Variants in DYM observed in about 807,000 individuals in gnomAD.
The protein encoded by DYM is dyggve-Melchior-Clausen syndrome protein.
A neutral mutation model predicts 93.1 loss-of-function variants in DYM; 78 were observed. That is an observed-to-expected ratio of 0.84 (90% CI 0.70 to 1.01). DYM has a LOEUF of 1.01. Among genes scored for constraint, DYM ranks in the 50% least tolerant of loss-of-function variants. The pLI, the probability that DYM is intolerant of heterozygous loss-of-function variation, is 0.00. For missense variants in DYM, 789 were observed against 845.0 expected, an observed-to-expected ratio of 0.93 and a Z score of 0.82; for synonymous variants, 321 against 319.7, an observed-to-expected ratio of 1.00 and a Z score of -0.04.
intron 1 of DYM, among the ~76,000 whole-genome samples, chr18:49,432,425 C>A (rs2080419626): frequency 1.4e-5 from 2 of 147,126 alleles, no homozygotes; most frequent in Non-Finnish European, 1.5e-5. Context: ...TATATGGGGA[C>A]ATAATACACT....
intron 11 of DYM, among the ~76,000 whole-genome samples, chr18:49,270,620 A>T (rs548105380): frequency 1.3e-5 from 2 of 152,328 alleles, no homozygotes; most frequent in Admixed American, 6.5e-5. Flanking sequence ...TGGATATGCT[A>T]ATTTACCTGA....
chr18:49,438,150 G>A (rs887367994), intron 1 of DYM, among the ~76,000 whole-genome samples: 1 of 152,212 alleles, frequency 6.6e-6, no homozygotes, highest in Non-Finnish European at 1.5e-5. Flanking sequence ...CTGTGCAACA[G>A]AGCAAGACTT....
At chr18:49,411,073 C>A (rs1189690824) in intron 2 of DYM, among the ~76,000 whole-genome samples, 1 of 152,100 alleles carries the variant, frequency 6.6e-6, no homozygotes, top group Admixed American at 6.6e-5. Flanking sequence ...ATGGGAGTAT[C>A]CTCACTTTAC....
intron 2 of DYM, among the ~76,000 whole-genome samples, chr18:49,421,857 T>G (rs2073751325): frequency 6.6e-6 from 1 of 152,108 alleles, no homozygotes; most frequent in African/African-American, 2.4e-5. Context: ...ACGGGACACA[T>G]GCACAAGCTT....
intron 5 of DYM, among the ~76,000 whole-genome samples, chr18:49,371,488 T>G (rs1347907406): frequency 6.6e-6 from 1 of 152,012 alleles, no homozygotes; most frequent in Non-Finnish European, 1.5e-5. Context: ...ATAATAATAA[T>G]ACAATCAATG....
chr18:49,276,813 C>T (rs2094856454), intron 10 of DYM, among the ~76,000 whole-genome samples: 1 of 152,018 alleles, frequency 6.6e-6, no homozygotes, highest in African/African-American at 2.4e-5. Flanking sequence ...AATATACTCA[C>T]TCTGGAAACA....
intron 3 of DYM, among the ~76,000 whole-genome samples, chr18:49,381,926 AG>A (rs1286048485): frequency 3.9e-5 from 6 of 152,078 alleles, no homozygotes; most frequent in Non-Finnish European, 8.8e-5. Context: ...AAAAAAAAAA[AG>A]AATAGTTAAG....
chr18:49,223,609 G>A (rs776823373), intron 13 of DYM, among the ~76,000 whole-genome samples: 2 of 151,940 alleles, frequency 1.3e-5, no homozygotes, highest in Non-Finnish European at 1.5e-5. Context: ...TTCTTGAGTG[G>A]ACAAACTAAA....
At chr18:49,175,413 C>T (rs187808128) in intron 14 of DYM, among the ~76,000 whole-genome samples, 25 of 152,222 alleles carry the variant, frequency 1.6e-4, no homozygotes, top group Admixed American at 7.2e-4. Context: ...AGACTAATTA[C>T]GTAACAATCT....
chr18:49,312,523 A>T (rs1260642369), intron 8 of DYM, among the ~76,000 whole-genome samples: 2 of 152,178 alleles, frequency 1.3e-5, no homozygotes, highest in Non-Finnish European at 2.9e-5. Flanking sequence ...CCACACAGGG[A>T]GAACTTTCCC....
chr18:49,061,267 G>A (rs1568357647), intron 17 of DYM, among the ~76,000 whole-genome samples: 1 of 152,144 alleles, frequency 6.6e-6, no homozygotes, highest in Non-Finnish European at 1.5e-5. Flanking sequence ...CTTCAAGGAG[G>A]AGAAGGCACC....
intron 11 of DYM, among the ~76,000 whole-genome samples, chr18:49,262,517 G>A (rs1433160642): frequency 6.6e-6 from 1 of 152,116 alleles, no homozygotes; most frequent in Non-Finnish European, 1.5e-5. Flanking sequence ...TGGTTTGTTC[G>A]CATCTTACTT....
intron 15 of DYM, among the ~76,000 whole-genome samples, chr18:49,135,230 G>C (rs1375836549): frequency 6.6e-6 from 1 of 152,146 alleles, no homozygotes; most frequent in Non-Finnish European, 1.5e-5. Flanking sequence ...ATTGAAGAAT[G>C]CTGAACTTTA....
At chr18:49,211,678 G>A (rs776924649) in intron 13 of DYM, among the ~76,000 whole-genome samples, 5 of 152,178 alleles carry the variant, frequency 3.3e-5, no homozygotes, top group African/African-American at 1.2e-4. Context: ...ATAGTGCTGG[G>A]CATTGAAGAC....
intron 1 of DYM, among the ~76,000 whole-genome samples, chr18:49,437,889 G>A (rs544522356): frequency 6.6e-6 from 1 of 152,244 alleles, no homozygotes; most frequent in Non-Finnish European, 1.5e-5. Context: ...TTTCAAAGAG[G>A]CTAGGATAGA....
intron 14 of DYM, among the ~76,000 whole-genome samples, chr18:49,164,882 G>A (rs1568527475): frequency 6.6e-6 from 1 of 152,156 alleles, no homozygotes; most frequent in Non-Finnish European, 1.5e-5. Flanking sequence ...TTTATTCTAA[G>A]AGGCACCCTA....
chr18:49,385,159 C>T (rs982066943), intron 3 of DYM, among the ~76,000 whole-genome samples: 6 of 152,080 alleles, frequency 3.9e-5, no homozygotes, highest in African/African-American at 1.4e-4. Context: ...TGAGGATACC[C>T]GGCTCCTGAA....
intron 6 of DYM, among the ~76,000 whole-genome samples, chr18:49,354,063 C>G (rs1294583146): frequency 1.3e-5 from 2 of 152,030 alleles, no homozygotes; most frequent in Non-Finnish European, 2.9e-5. Context: ...CAGCATGACA[C>G]TGGCAAAAGA....
intron 13 of DYM, among the ~76,000 whole-genome samples, chr18:49,234,902 G>A (rs1311346516): frequency 6.6e-6 from 1 of 152,112 alleles, no homozygotes; most frequent in Non-Finnish European, 1.5e-5. Flanking sequence ...AGATGCAGGG[G>A]CCCACATGTA....
Sources: allele counts gnomAD v4.1 joint callset (sites outside exome capture counted in the v4.1 genomes callset), GRCh38; gene constraint gnomAD v4.1.1; transcripts MANE v1.5; gene names NCBI Gene and HGNC (gene_info 2026-07-23, HGNC 2026-07-21).